POU1F1: variants seen among roughly 807,000 people sequenced by gnomAD.
The protein encoded by POU1F1 is pituitary-specific positive transcription factor 1.
Under a neutral mutation model 32.3 loss-of-function variants are expected in POU1F1, and 23 were observed. The ratio of observed to expected loss-of-function variants is 0.71; its 90% confidence interval spans 0.51 to 1.01. POU1F1 has a LOEUF of 1.01. POU1F1 is among the 50% of genes least tolerant of loss of function. The probability of loss-of-function intolerance (pLI) is 0.00; values close to 1 mark genes in which losing one functional copy is unlikely to be tolerated. For synonymous variants in POU1F1, 120 were observed against 115.6 expected, an observed-to-expected ratio of 1.04 and a Z score of -0.25; for missense variants, 323 against 341.6, an observed-to-expected ratio of 0.95 and a Z score of 0.43.
At chr3:87,274,489 A>C (rs1706791968) in intron 1 of POU1F1, among the ~76,000 whole-genome samples, 1 of 151,856 alleles carries the variant, frequency 6.6e-6, no homozygotes, top group Non-Finnish European at 1.5e-5. Context: ...GATTAAAGAC[A>C]TGCCTTTCTT....
chr3:87,261,027 C>G, intron 5 of POU1F1, among the ~76,000 whole-genome samples: 1 of 151,948 alleles, frequency 6.6e-6, no homozygotes, highest in Non-Finnish European at 1.5e-5. Flanking sequence ...TCTCCTGCCT[C>G]AGTCTCCTGA....
chr3:87,260,585 G>A (rs1165459352), intron 5 of POU1F1, among the ~76,000 whole-genome samples: 2 of 152,110 alleles, frequency 1.3e-5, no homozygotes, highest in African/African-American at 4.8e-5. Flanking sequence ...GGGTTGAAAT[G>A]CAAGAGGTCA....
intron 3 of POU1F1, among the ~76,000 whole-genome samples, chr3:87,263,162 T>C (rs1379060412): frequency 6.6e-6 from 1 of 151,834 alleles, no homozygotes; most frequent in African/African-American, 2.4e-5. Context: ...TTATAGTTGT[T>C]TTATTTTAAA....
In POU1F1 at chr3:87,276,391, A is replaced by G; in HGVS notation, c.72T>C (p.Pro24=). 3.1e-6 allele frequency: 5 copies of G among 1,614,038 alleles called. No homozygotes were observed. The highest frequency in any genetic ancestry group is 4.2e-6 in the Non-Finnish European group (5 of 1,179,938). The change falls in exon 1 of 6, where the codon CCT becomes CCC. Residue 24 remains proline (P), a synonymous_variant. Coordinates refer to ENST00000350375, the MANE Select transcript of POU1F1 (RefSeq NM_000306.4). ...PLNSDASATL[P]LIMHHSAAEC... ...CGGCAGCACTGTGATGCATTATCAG[A>G]GGCAGAGTTGCAGAGGCGTCAGAAT... is the stretch of plus-strand genomic sequence containing the variant.
At chr3:87,266,363 A>T (rs985287592) in intron 2 of POU1F1, among the ~76,000 whole-genome samples, 11 of 147,176 alleles carry the variant, frequency 7.5e-5, no homozygotes, top group Non-Finnish European at 1.6e-4. Flanking sequence ...GTAATTATAA[A>T]TATATAATTA....
intron 2 of POU1F1, among the ~76,000 whole-genome samples, chr3:87,270,547 T>A (rs546397110): frequency 1.3e-5 from 2 of 152,348 alleles, no homozygotes; most frequent in South Asian, 4.1e-4. Flanking sequence ...GTATGAGTAA[T>A]GAAATAACCA....
rs137905342 is a variant in POU1F1, at chr3:87,275,069, C to G, written c.142+1252G>C. Among the ~76,000 whole-genome samples the G allele has an allele frequency of 4.5e-3, 677 of 151,914 alleles. 4 individuals are homozygous for G. Among genetic ancestry groups the G allele is most frequent in the Middle Eastern group, 0.024 (7 of 288 alleles). ...CATTATTCTCAATCTATAGGATGAC[C>G]TACTATTTAAAATATGTGATTAGCT... is the stretch of plus-strand genomic sequence containing the variant. On this transcript the variant is annotated intron_variant, in intron 1 of 5. Transcript: ENST00000350375.
At chr3:87,263,268 C>T (rs912989286) in intron 3 of POU1F1, among the ~76,000 whole-genome samples, 1 of 152,074 alleles carries the variant, frequency 6.6e-6, no homozygotes, top group Non-Finnish European at 1.5e-5. Flanking sequence ...ATATACTTTA[C>T]ACTCATAATA....
chr3:87,274,081 G>A (rs1015210913), intron 1 of POU1F1, among the ~76,000 whole-genome samples: 1 of 152,058 alleles, frequency 6.6e-6, no homozygotes, highest in Admixed American at 6.6e-5. Flanking sequence ...GAGGTTGTTA[G>A]TTGTCTGCAT....
At chr3:87,265,982 C>T (rs1346581097) in intron 2 of POU1F1, among the ~76,000 whole-genome samples, 1 of 150,734 alleles carries the variant, frequency 6.6e-6, no homozygotes, top group Non-Finnish European at 1.5e-5. Context: ...CTATGGAATA[C>T]ATGCAATAAT....
chr3:87,268,085 T>C (rs57770355), intron 2 of POU1F1, among the ~76,000 whole-genome samples: 23,077 of 68,120 alleles, frequency 0.34, 2,690 homozygotes, highest in South Asian at 0.53. Flanking sequence ...TCCCTTTCCC[T>C]TTTTTTTTTT....
intron 1 of POU1F1, 90 bp downstream of exon 1, chr3:87,276,231 T>C: frequency 3.4e-6 from 5 of 1,486,788 alleles, no homozygotes; most frequent in South Asian, 2.3e-5. Flanking sequence ...AAATGAAAGA[T>C]GCAAAGAGAT....
intron 1 of POU1F1, 106 bp from the exon 2 acceptor site, chr3:87,273,524 G>T: frequency 6.5e-7 from 1 of 1,537,188 alleles, no homozygotes; most frequent in South Asian, 1.2e-5. Context: ...AAGGATTCAA[G>T]ACACATTCGT....
chr3:87,270,961 T>A (rs191352145), intron 2 of POU1F1, among the ~76,000 whole-genome samples: 6 of 152,192 alleles, frequency 3.9e-5, no homozygotes, highest in Admixed American at 3.3e-4. Flanking sequence ...AACAAAATTT[T>A]TGAGAGGGAT....
chr3:87,276,498 G>A lies in POU1F1; in HGVS notation c.-36C>T, dbSNP rs754597573. The A allele has an allele frequency of 3.7e-6, 6 of 1,609,068 alleles. No individual in the cohort carries two copies. The highest frequency in any genetic ancestry group is 5.1e-6 in the Non-Finnish European group (6 of 1,177,044). On this transcript the variant is annotated 5_prime_UTR_variant, in exon 1 of 6. Coordinates refer to ENST00000350375, the MANE Select transcript of POU1F1 (RefSeq NM_000306.4). ...GAGTAGAAAAATAAGGAGAACCGCT[G>A]CTCCCCAAATCAGAGTTTTATTATA...
chr3:87,275,100 G>A (rs937327409), intron 1 of POU1F1, among the ~76,000 whole-genome samples: 10 of 151,816 alleles, frequency 6.6e-5, no homozygotes, highest in African/African-American at 9.7e-5. Flanking sequence ...TAGCTATGTG[G>A]TAATTGCTTA....
rs1199500961 is a variant in POU1F1, at chr3:87,276,317, G to A, written c.142+4C>T. On this transcript the variant is annotated splice_donor_region_variant and intron_variant, in intron 1 of 5. Transcript: ENST00000350375. ...CATATGTAAACTGTCATAGGAGTCAGTACCTGTAGACATCACATTGGTGGC... is the reference window on the plus strand; with the variant it reads ...CATATGTAAACTGTCATAGGAGTCAATACCTGTAGACATCACATTGGTGGC... 5.0e-6 allele frequency: 8 copies of A among 1,613,678 alleles called. No homozygotes were observed. Among genetic ancestry groups the A allele is most frequent in the Non-Finnish European group, 6.8e-6 (8 of 1,179,722 alleles).
intron 2 of POU1F1, among the ~76,000 whole-genome samples, chr3:87,267,631 G>A (rs987216579): frequency 6.6e-6 from 1 of 151,982 alleles, no homozygotes; most frequent in Non-Finnish European, 1.5e-5. Flanking sequence ...TTTTAGAGAT[G>A]GGGTCACACT....
chr3:87,261,474 T>G lies in POU1F1; in HGVS notation c.605-141A>C, dbSNP rs113615664. On this transcript the variant is annotated intron_variant, in intron 4 of 5. Transcript: ENST00000350375. Reference sequence around the variant, plus strand: ...ATTTTTGTCTTAAATTTTTGCAGTCTTTTTCTATTACAGACCTTAGAGAAA... The same window carrying G: ...ATTTTTGTCTTAAATTTTTGCAGTCGTTTTCTATTACAGACCTTAGAGAAA... 5.2e-5 allele frequency: 34 copies of G among 656,458 alleles called. No homozygotes were observed. The African/African-American group carries it at 5.5e-4, about 11-fold the overall frequency. 40.7% of individuals were successfully genotyped at this position (656,458 alleles called of 1,614,324 possible).
Sources: gnomAD v4.1 joint callset for allele counts (sites outside exome capture counted in the v4.1 genomes callset) on GRCh38, gnomAD v4.1.1 for gene constraint, MANE v1.5 for transcripts, NCBI Gene and HGNC (gene_info 2026-07-23, HGNC 2026-07-21) for gene names.